Variants in SH3PXD2A observed in about 807,000 individuals in gnomAD.
SH3PXD2A encodes SH3 and PX domains 2A.
Under a neutral mutation model 115.2 loss-of-function variants are expected in SH3PXD2A, and 32 were observed. The observed-to-expected ratio is 0.28, with a 90% confidence interval of 0.21 to 0.37. The LOEUF is 0.37. Ranked by LOEUF, SH3PXD2A falls within the 10% of genes least tolerant of loss-of-function variation. The pLI, the probability that SH3PXD2A is intolerant of heterozygous loss-of-function variation, is 1.00. For synonymous variants in SH3PXD2A, 610 were observed against 629.1 expected, an observed-to-expected ratio of 0.97 and a Z score of 0.45; for missense variants, 1,328 against 1,498.7, an observed-to-expected ratio of 0.89 and a Z score of 1.88.
At chr10:103,750,396 T>C (rs2038562068) in intron 3 of SH3PXD2A, among the ~76,000 whole-genome samples, 1 of 152,202 alleles carries the variant, frequency 6.6e-6, no homozygotes. Flanking sequence ...GATGATTTGT[T>C]ACCCAGGTAA....
At chr10:103,712,700 T>C (rs2038060431) in intron 5 of SH3PXD2A, among the ~76,000 whole-genome samples, 1 of 152,238 alleles carries the variant, frequency 6.6e-6, no homozygotes, top group South Asian at 2.1e-4. Flanking sequence ...TGCCTTCAAC[T>C]CTACCTTCAG....
Position 103,596,663 on chromosome 10 carries a change from A to ACACTCTCTCTCTCTCTCTCTCT in SH3PXD2A, c.*5152_*5153insAGAGAGAGAGAGAGAGAGAGTG. 14 of 124,514 alleles carry ACACTCTCTCTCTCTCTCTCTCT rather than the reference A, an allele frequency of 1.1e-4. No individual in the cohort carries two copies. The South Asian group carries it at 1.5e-3, about 13-fold the overall frequency. The allele number at this position is 124,514 out of a possible 1,614,324, so 7.7% of individuals were successfully genotyped here. On this transcript the variant is annotated 3_prime_UTR_variant, in exon 15 of 15. Coordinates refer to ENST00000369774, the MANE Select transcript of SH3PXD2A (RefSeq NM_001394015.1). ...CACACACACACACACACACACACAC[A>ACACTCTCTCTCTCTCTCTCTCT]CTCTCTCTCTCTCTCTCTCTCTCAC...
chr10:103,619,390 C>T (rs1200598858), intron 10 of SH3PXD2A, among the ~76,000 whole-genome samples: 5 of 152,314 alleles, frequency 3.3e-5, no homozygotes, highest in South Asian at 4.1e-4. Flanking sequence ...TAGGATGAGG[C>T]GAGGCCTGGG....
chr10:103,702,596 C>CATGTGTGTGTGTGT (rs72182362), intron 5 of SH3PXD2A, among the ~76,000 whole-genome samples: 1 of 147,448 alleles, frequency 6.8e-6, no homozygotes, highest in Non-Finnish European at 1.5e-5. Context: ...TGTGTGTGTG[C>CATGTGTGTGTGTGT]GTGTGTGTGT....
At chr10:103,674,419 G>GCAGGAC (rs2037501318) in intron 6 of SH3PXD2A, among the ~76,000 whole-genome samples, 2 of 152,184 alleles carry the variant, frequency 1.3e-5, no homozygotes, top group African/African-American at 4.8e-5. Context: ...CCTGAAACAG[G>GCAGGAC]TTGTCATGCT....
chr10:103,854,592 G>C lies in SH3PXD2A; in HGVS notation c.72+603C>G, dbSNP rs1259061918. 9.8e-5 allele frequency among the ~76,000 whole-genome samples: 15 copies of C among 152,344 alleles called. 1 individual carries two copies. Among genetic ancestry groups the C allele is most frequent in the East Asian group, 1.9e-4 (1 of 5,184 alleles). Reference sequence around the variant, plus strand: ...TGAACCCGGTTAAGGGTCACGTCCAGAGGAGGGATAAAAGGAAAAGCCACA... The same window carrying C: ...TGAACCCGGTTAAGGGTCACGTCCACAGGAGGGATAAAAGGAAAAGCCACA... On this transcript the variant is annotated intron_variant, in intron 1 of 14. Coordinates refer to ENST00000369774, the MANE Select transcript of SH3PXD2A (RefSeq NM_001394015.1).
At chr10:103,606,179 TC>T (rs1554902739) in intron 13 of SH3PXD2A, among the ~76,000 whole-genome samples, 1 of 31,822 alleles carries the variant, frequency 3.1e-5, no homozygotes, top group East Asian at 9.1e-4. Context: ...ACTATTACTA[TC>T]ATCATCATCA....
Position 103,855,251 on chromosome 10 carries a change from C to T in SH3PXD2A, c.16G>A (p.Val6Met), listed in dbSNP as rs753738859. The T allele has an allele frequency of 3.5e-5, 54 of 1,526,770 alleles. 1 individual carries two copies. Among genetic ancestry groups the T allele is most frequent in the South Asian group, 2.7e-4 (22 of 81,412 alleles). 94.6% of individuals were successfully genotyped at this position (1,526,770 alleles called of 1,614,324 possible). The change falls in exon 1 of 15, where the codon GTG (valine) becomes ATG (methionine). Residue 6 changes from valine (V) to methionine (M), a missense_variant. Val to Met is a conservative substitution (Grantham distance 21, BLOSUM62 1). Transcript: ENST00000369774. The stretch of plus-strand genomic sequence containing the variant: ...ACGTCCACCACGGTGGCATCCTGCA[C>T]GCAGTAGGCGAGCATCTTCCCCCAC... MLAYC[V>M]QDATVVDVEK...
chr10:103,735,780 G>A lies in SH3PXD2A; in HGVS notation c.258C>T (p.Ile86=). The A allele has an allele frequency of 6.2e-7, 1 of 1,614,070 alleles. No homozygotes were observed. The change falls in exon 4 of 15, where the codon ATC becomes ATT. Residue 86 remains isoleucine (I), a synonymous_variant. Coordinates refer to ENST00000369774, the MANE Select transcript of SH3PXD2A (RefSeq NM_001394015.1). The part of the protein sequence containing the change: ...PGKILFRRSH[I]RDVAVKRLKP... ...TCAGTCTCTTCACAGCTACGTCCCG[G>A]ATGTGGCTTCTGCGGAAGAGGATCT...
intron 1 of SH3PXD2A, among the ~76,000 whole-genome samples, chr10:103,832,120 G>GT (rs2039487536): frequency 6.6e-6 from 1 of 152,184 alleles, no homozygotes; most frequent in Non-Finnish European, 1.5e-5. Context: ...GCAAGTCTCA[G>GT]TTTTCAAGTG....
Position 103,602,050 on chromosome 10 carries a change from G to A in SH3PXD2A, c.3168C>T (p.Ser1056=). Residue 1056 remains serine (S), a synonymous_variant, in exon 15 of 15, where the codon TCC becomes TCT. Transcript: ENST00000369774. ...TCTCGATGGGCTTGGGGCGCACAGG[G>A]GACACGGGTATGCTGTTGCGCTGGG... ...LPAQRNSIPV[S]PVRPKPIEKS... The A allele has an allele frequency of 1.2e-6, 2 of 1,608,802 alleles. No homozygotes were observed. The highest frequency in any genetic ancestry group is 2.2e-5 in the East Asian group (1 of 44,822).
At chr10:103,755,235 G>A (rs903567683) in intron 3 of SH3PXD2A, 8 of 152,142 alleles carry the variant, frequency 5.3e-5, no homozygotes, top group Non-Finnish European at 8.8e-5. Context: ...TTTTGTTAGG[G>A]ACCTGATACT....
intron 8 of SH3PXD2A, among the ~76,000 whole-genome samples, chr10:103,639,221 G>T (rs1159705811): frequency 2.0e-5 from 3 of 152,188 alleles, no homozygotes; most frequent in East Asian, 3.9e-4. Flanking sequence ...AGGCAGAAAA[G>T]AATTCTTAGA....
chr10:103,852,582 G>A (rs1842906421), intron 1 of SH3PXD2A, among the ~76,000 whole-genome samples: 1 of 152,112 alleles, frequency 6.6e-6, no homozygotes, highest in African/African-American at 2.4e-5. Flanking sequence ...CAGGCAATGG[G>A]TGCAGCACGT....
chr10:103,636,894 T>C (rs918364606), intron 8 of SH3PXD2A, among the ~76,000 whole-genome samples: 1 of 152,108 alleles, frequency 6.6e-6, no homozygotes, highest in East Asian at 1.9e-4. Context: ...CAGACCTCGG[T>C]TAGGATCCTA....
intron 1 of SH3PXD2A, among the ~76,000 whole-genome samples, chr10:103,851,135 A>G (rs904680750): frequency 2.4e-5 from 3 of 122,634 alleles, no homozygotes; most frequent in East Asian, 2.4e-4. Flanking sequence ...TGGAGTCACA[A>G]TCTAAGGGCT....
chr10:103,710,578 C>G (rs1487452911), intron 5 of SH3PXD2A, among the ~76,000 whole-genome samples: 1 of 152,152 alleles, frequency 6.6e-6, no homozygotes, highest in African/African-American at 2.4e-5. Flanking sequence ...TGTGTCCATC[C>G]TTCAGCTAGC....
In SH3PXD2A at chr10:103,685,556, C is replaced by G. The variant is rs143672626; in HGVS notation, c.427+7472G>C. Among the ~76,000 whole-genome samples the G allele has an allele frequency of 1.1e-3, 167 of 152,262 alleles. No homozygotes were observed. The Middle Eastern group carries it at 0.02, about 19-fold the overall frequency. ...AAGGGCAAAAGCTGAAACCAGCGCT[C>G]TCTCCTGTTTGAGACGAACCCCTCC... On this transcript the variant is annotated intron_variant, in intron 6 of 14. Coordinates refer to ENST00000369774, the MANE Select transcript of SH3PXD2A (RefSeq NM_001394015.1).
chr10:103,633,000 G>C (rs576207774), intron 8 of SH3PXD2A, among the ~76,000 whole-genome samples: 1 of 151,380 alleles, frequency 6.6e-6, no homozygotes, highest in Non-Finnish European at 1.5e-5. Flanking sequence ...ACCTCCCCCC[G>C]GCCAAAAAAA....
Sources: allele counts gnomAD v4.1 joint callset (sites outside exome capture counted in the v4.1 genomes callset), GRCh38; gene constraint gnomAD v4.1.1; transcripts MANE v1.5; gene names NCBI Gene and HGNC (gene_info 2026-07-23, HGNC 2026-07-21).